The following CDKN2A variants were observed in gnomAD, a reference collection of about 807,000 sequenced individuals.
CDKN2A encodes cyclin-dependent kinase inhibitor 2A.
Under a neutral mutation model 11.1 loss-of-function variants are expected in CDKN2A, and 3 were observed. The observed-to-expected ratio is 0.27, with a 90% CI of 0.12 to 0.70. The LOEUF (loss-of-function observed/expected upper bound fraction) is 0.70. CDKN2A is among the 30% of genes least tolerant of loss of function. The pLI, the probability that CDKN2A is intolerant of heterozygous loss-of-function variation, is 0.77. For missense variants in CDKN2A, 265 were observed against 233.6 expected (o/e 1.13, Z -0.88); for synonymous variants, 122 against 108.1 (o/e 1.13, Z -0.80).
At chr9:21,972,890 GTTAC>G (rs1441824363) in intron 1 of CDKN2A, among the ~76,000 whole-genome samples, 2 of 152,096 alleles carry the variant, frequency 1.3e-5, no homozygotes, top group Admixed American at 6.5e-5. Context: ...TTAAAGAGGA[GTTAC>G]TTATTTTTAG....
chr9:21,981,448 C>T (rs991976733), intron 2 of CDKN2A, among the ~76,000 whole-genome samples: 3 of 151,842 alleles, frequency 2.0e-5, no homozygotes, highest in African/African-American at 7.3e-5. Context: ...CCAGGTACAG[C>T]TGTGTTAAGC....
At chr9:21,974,981 T>TG, upstream of CDKN2A, 1 of 1,395,154 alleles carries the variant, frequency 7.2e-7, no homozygotes, top group South Asian at 1.6e-5. This position sits in a 1 kb window ranked among gnomAD's most constrained non-coding sequence, Gnocchi z 5.2. Context: ...TCAAATCCTC[T>TG]GGAGGGACCG....
intron 1 of CDKN2A, chr9:21,994,313 C>A: frequency 6.2e-7 from 1 of 1,606,040 alleles, no homozygotes. Context: ...CGGAGGGTCA[C>A]CAAGAACCTG....
chr9:21,975,353 A>G (rs369841171), upstream of CDKN2A, among the ~76,000 whole-genome samples: 1 of 152,086 alleles, frequency 6.6e-6, no homozygotes, highest in African/African-American at 2.4e-5. Flanking sequence ...GTTTGGTGTC[A>G]TAGGGAAAGT....
At chr9:21,973,217 G>C (rs1025951256) in intron 1 of CDKN2A, among the ~76,000 whole-genome samples, 4 of 152,176 alleles carry the variant, frequency 2.6e-5, no homozygotes, top group African/African-American at 9.6e-5. Flanking sequence ...AATCATGATA[G>C]AAATCCAAAG....
rs1418656315 is a variant in CDKN2A, at chr9:21,995,066, A to G, written c.-421T>C. On this transcript the variant is annotated 5_prime_UTR_variant, in exon 1 of 4. Transcript: ENST00000494262. This position sits in a 1 kb window ranked among gnomAD's most constrained non-coding sequence, Gnocchi z 5.7. ...CTTCTAGATTTGGAAAACAAGCGAA[A>G]TTAAACTAAACCGCTGCACGCCTCT... 2.0e-5 allele frequency: 3 copies of G among 152,138 alleles called. No homozygotes were observed. The highest frequency in any genetic ancestry group is 4.4e-5 in the Non-Finnish European group (3 of 68,034). The allele number at this position is 152,138 out of a possible 1,614,324, so 9.4% of individuals were successfully genotyped here.
At position 21,988,405 on chromosome 9, in the gene CDKN2A, C is replaced by CT. The variant is rs980134846; in HGVS notation, c.-4+5476dup. ...TCAATCCTGTAGTTGATGGCTTTCA[C>CT]TTTTTTTTCCCTTTTATTACTTCTT... On this transcript the variant is annotated intron_variant, in intron 2 of 3. Coordinates refer to the CDKN2A transcript ENST00000494262. The surrounding 1 kb of genome is among the most constrained non-coding windows in gnomAD (Gnocchi z 4.1). Among the ~76,000 whole-genome samples the CT allele has an allele frequency of 3.3e-5, 5 of 152,098 alleles. No individual in the cohort carries two copies. Among genetic ancestry groups the CT allele is most frequent in the Admixed American group, 1.3e-4 (2 of 15,276 alleles).
upstream of CDKN2A, among the ~76,000 whole-genome samples, chr9:21,975,931 C>T (rs1160332990): frequency 6.6e-6 from 1 of 152,170 alleles, no homozygotes; most frequent in African/African-American, 2.4e-5. Flanking sequence ...AATATGAGTG[C>T]CCCCTGCTTT....
Position 21,968,116 on chromosome 9 carries a change from A to G in CDKN2A, c.*113T>C, listed in dbSNP as rs560665919. 57 of 929,904 alleles carry G rather than the reference A, an allele frequency of 6.1e-5. No individual in the cohort carries two copies. The East Asian group carries it at 1.1e-3, about 18-fold the overall frequency. 57.6% of individuals were successfully genotyped at this position (929,904 alleles called of 1,614,324 possible). On this transcript the variant is annotated 3_prime_UTR_variant, in exon 3 of 3. Coordinates refer to ENST00000304494, the MANE Select transcript of CDKN2A (RefSeq NM_000077.5). This position sits in a 1 kb window ranked among gnomAD's most constrained non-coding sequence, Gnocchi z 4.7. ...CATTTTTAAAAGCTCTATTTTCTAA[A>G]TGAAAACTACGAAAGCGGGGTGGGT...
chr9:21,994,121 T>A, intron 1 of CDKN2A: 1 of 1,599,206 alleles, frequency 6.3e-7, no homozygotes, highest in African/African-American at 1.3e-5. Context: ...CCCCGGACTT[T>A]TCGAGGGCCT....
chr9:21,970,874 T>C (rs2131091141), intron 2 of CDKN2A, 28 bp downstream of exon 2: 5 of 1,607,942 alleles, frequency 3.1e-6, no homozygotes, highest in Non-Finnish European at 4.2e-6. Context: ...GCTCTCAGGG[T>C]ACAAATTCTC....
chr9:21,972,094 G>C (rs1191458199), intron 1 of CDKN2A, among the ~76,000 whole-genome samples: 1 of 151,720 alleles, frequency 6.6e-6, no homozygotes, highest in African/African-American at 2.4e-5. Flanking sequence ...AGATAAGTGA[G>C]AACATGTGAT....
At chr9:21,975,533 A>C (rs1041886766), upstream of CDKN2A, among the ~76,000 whole-genome samples, 1 of 151,856 alleles carries the variant, frequency 6.6e-6, no homozygotes, top group Non-Finnish European at 1.5e-5. Context: ...AGTTCAAAGG[A>C]TTCCTTTTGG....
At chr9:21,982,604 T>G (rs185602043) in intron 2 of CDKN2A, among the ~76,000 whole-genome samples, 1 of 152,218 alleles carries the variant, frequency 6.6e-6, no homozygotes, top group Admixed American at 6.5e-5. Flanking sequence ...TGCACATATT[T>G]GGTATATATG....
chr9:21,990,554 T>G (rs959257023), intron 2 of CDKN2A, among the ~76,000 whole-genome samples: 6 of 144,174 alleles, frequency 4.2e-5, no homozygotes, highest in African/African-American at 1.5e-4. Flanking sequence ...AAAATAAATA[T>G]CACCAAACTT....
chr9:21,968,611 C>A lies in CDKN2A; in HGVS notation c.458-369G>T. The A allele has an allele frequency of 3.3e-6, 5 of 1,506,550 alleles. 1 individual carries two copies. In the Middle Eastern group the frequency reaches 8.9e-4, roughly 267 times the overall value. 93.3% of individuals were successfully genotyped at this position (1,506,550 alleles called of 1,614,324 possible). ...CGAAGGCGTGAAGATGTGGCCTTTC[C>A]CTTCCCGCATCCCCAGGCATCTTTT... is the stretch of plus-strand genomic sequence containing the variant. On this transcript the variant is annotated intron_variant, in intron 2 of 2. Coordinates refer to ENST00000304494, the MANE Select transcript of CDKN2A (RefSeq NM_000077.5). The surrounding 1 kb of genome is among the most constrained non-coding windows in gnomAD (Gnocchi z 4.7).
At chr9:21,974,903 G>A (rs565075759), upstream of CDKN2A, 6 of 1,446,770 alleles carry the variant, frequency 4.1e-6, no homozygotes, top group African/African-American at 7.4e-5. This position sits in a 1 kb window ranked among gnomAD's most constrained non-coding sequence, Gnocchi z 5.2. Context: ...CCCACCCTCT[G>A]GTGACCAGCC....
In CDKN2A at chr9:21,968,198, C is replaced by T. The variant is rs776538324; in HGVS notation, c.*31G>A. 39 of 1,608,890 alleles carry T rather than the reference C, an allele frequency of 2.4e-5. No individual in the cohort carries two copies. The highest frequency in any genetic ancestry group is 2.8e-5 in the Non-Finnish European group (33 of 1,176,174). On this transcript the variant is annotated 3_prime_UTR_variant, in exon 3 of 3. Transcript: ENST00000304494. This position sits in a 1 kb window ranked among gnomAD's most constrained non-coding sequence, Gnocchi z 4.7. Reference sequence around the variant, plus strand: ...CTTCGGTGACTGATGATCTAAGTTTCCCGAGGTTTCTCAGAGCCTCTCTGG... The same window carrying T: ...CTTCGGTGACTGATGATCTAAGTTTTCCGAGGTTTCTCAGAGCCTCTCTGG...
At chr9:21,992,374 T>C (rs1356933390) in intron 2 of CDKN2A, 1 of 971,044 alleles carries the variant, frequency 1.0e-6, no homozygotes, top group Non-Finnish European at 1.2e-6. Context: ...ACATATGAAA[T>C]TGGAAAATTG....
Sources: allele counts gnomAD v4.1 joint callset (sites outside exome capture counted in the v4.1 genomes callset), GRCh38; gene constraint gnomAD v4.1.1; non-coding constraint Gnocchi (gnomAD v3.1); transcripts MANE v1.5; gene names NCBI Gene and HGNC (gene_info 2026-07-23, HGNC 2026-07-21).